SEC24B: variants seen among roughly 807,000 people sequenced by gnomAD.
SEC24B encodes the protein SEC24 homolog B, COPII component.
A neutral mutation model predicts 142.8 loss-of-function variants in SEC24B; 45 were observed. The observed-to-expected ratio is 0.32, with a 90% confidence interval of 0.25 to 0.40. The LOEUF (loss-of-function observed/expected upper bound fraction) is 0.40, where lower values mean the gene tolerates loss of function less well. Among genes scored for constraint, SEC24B ranks in the 10% least tolerant of loss-of-function variants. The pLI, the probability that SEC24B is intolerant of heterozygous loss-of-function variation, is 1.00. For missense variants in SEC24B, 1,409 were observed against 1,526.8 expected, an observed-to-expected ratio of 0.92 and a Z score of 1.29; for synonymous variants, 574 against 568.2, an observed-to-expected ratio of 1.01 and a Z score of -0.15.
rs1447246116 is a variant in SEC24B at position 109,526,538 on chromosome 4, G to A, written c.2965+139G>A. On this transcript the variant is annotated intron_variant, in intron 17 of 23. Coordinates refer to ENST00000265175, the MANE Select transcript of SEC24B (RefSeq NM_006323.5). ...TGTATTAGTTAATCAAACATATGTT[G>A]TTATTTTCTTTCTTTTTTTAACTCT... 5.4e-6 allele frequency: 3 copies of A among 554,058 alleles called. No individual in the cohort carries two copies. The East Asian group carries it at 1.0e-4, about 18-fold the overall frequency. 34.3% of individuals were successfully genotyped at this position (554,058 alleles called of 1,614,324 possible).
intron 1 of SEC24B, among the ~76,000 whole-genome samples, chr4:109,450,346 A>G (rs139089400): frequency 1.3e-5 from 2 of 152,030 alleles, no homozygotes; most frequent in African/African-American, 2.4e-5. Flanking sequence ...AAGTTATTCT[A>G]CCATTCTCTT....
At chr4:109,500,906 G>A (rs1177879462) in intron 6 of SEC24B, among the ~76,000 whole-genome samples, 16 of 152,188 alleles carry the variant, frequency 1.1e-4, no homozygotes, top group South Asian at 2.1e-4. Flanking sequence ...TGATCCACCC[G>A]CCTAGGTCTC....
Position 109,532,678 on chromosome 4 carries a change from C to A in SEC24B, c.3430C>A (p.Pro1144Thr). 6.2e-7 allele frequency: 1 copy of A among 1,613,778 alleles called. No individual in the cohort carries two copies. Among genetic ancestry groups the A allele is most frequent in the Non-Finnish European group, 8.5e-7 (1 of 1,179,718 alleles). Residue 1144 changes from proline (P) to threonine (T), a missense_variant, in exon 21 of 24, where the codon CCT becomes ACT. Pro to Thr is a conservative substitution (Grantham distance 38, BLOSUM62 -1). Transcript: ENST00000265175. The stretch of plus-strand genomic sequence containing the variant: ...TAATGACAGGATTGTACCACAGCCA[C>A]CTCTTCAAAAATTGTCTGCAGAGAA... The part of the protein sequence containing the change: ...HVNDRIVPQP[P>T]LQKLSAEKLT...
Position 109,531,772 on chromosome 4 carries a change from C to T in SEC24B, c.3390+250C>T, listed in dbSNP as rs79804656. Among the ~76,000 whole-genome samples, 368 of 152,196 alleles carry T rather than the reference C, an allele frequency of 2.4e-3. 8 individuals are homozygous for T. In the East Asian group the frequency reaches 0.065, roughly 27 times the overall value. ...AGAAGTAATTTGTCTTGTAGGTTTGCTTATAATATGTATTACAAAGCTAAG... is the reference window on the plus strand; with the variant it reads ...AGAAGTAATTTGTCTTGTAGGTTTGTTTATAATATGTATTACAAAGCTAAG... On this transcript the variant is annotated intron_variant, in intron 20 of 23. Coordinates refer to ENST00000265175, the MANE Select transcript of SEC24B (RefSeq NM_006323.5).
At chr4:109,504,435 G>T (rs1736484507) in intron 6 of SEC24B, among the ~76,000 whole-genome samples, 1 of 151,400 alleles carries the variant, frequency 6.6e-6, no homozygotes, top group Non-Finnish European at 1.5e-5. Context: ...CTTTGATTTT[G>T]GTAAAATAAC....
Position 109,463,609 on chromosome 4 carries a change from C to G in SEC24B, c.842C>G (p.Ser281Cys), listed in dbSNP as rs1731547216. The G allele has an allele frequency of 6.2e-7, 1 of 1,613,840 alleles. No homozygotes were observed. The highest frequency in any genetic ancestry group is 1.7e-5 in the Admixed American group (1 of 60,000). ...AATCTCATCCGAAACCACACAGGAT[C>G]CCTGGCTGTAGCGAACAACAACCCA... is the stretch of plus-strand genomic sequence containing the variant. ...QDNLIRNHTGSLAVANNNPTI... is the reference protein window; with the variant it reads ...QDNLIRNHTGCLAVANNNPTI... Residue 281 changes from serine (S) to cysteine (C), a missense_variant, in exon 2 of 24, where the codon TCC becomes TGC. Ser to Cys is a moderately radical substitution (Grantham distance 112). Transcript: ENST00000265175.
chr4:109,493,448 G>T (rs953081979), intron 5 of SEC24B, among the ~76,000 whole-genome samples: 4 of 152,178 alleles, frequency 2.6e-5, no homozygotes, highest in African/African-American at 9.6e-5. Flanking sequence ...TAATGGTTAT[G>T]TGTAGAGTTT....
intron 3 of SEC24B, among the ~76,000 whole-genome samples, chr4:109,476,560 G>GA (rs35678300): frequency 0.084 from 12,732 of 151,156 alleles, 632 homozygotes; most frequent in Middle Eastern, 0.18. Flanking sequence ...AGAATTACTT[G>GA]TAAGAATTCT....
Position 109,531,524 on chromosome 4 carries a change from T to C in SEC24B, c.3390+2T>C, listed in dbSNP as rs1391492586. ...AGGATAGACAGATTGACAGATGAGG[T>C]ATGTATTTTAGTGCATTTGAAATGT... is the stretch of plus-strand genomic sequence containing the variant. On this transcript the variant is annotated splice_donor_variant, in intron 20 of 23. Coordinates refer to ENST00000265175, the MANE Select transcript of SEC24B (RefSeq NM_006323.5). LOFTEE classifies it high-confidence loss of function. The C allele has an allele frequency of 5.0e-6, 8 of 1,599,684 alleles. No individual in the cohort carries two copies. In the Admixed American group the frequency reaches 1.3e-4, roughly 27 times the overall value.
chr4:109,456,392 T>A (rs1730698664), intron 1 of SEC24B, among the ~76,000 whole-genome samples: 1 of 151,524 alleles, frequency 6.6e-6, no homozygotes, highest in Admixed American at 6.6e-5. Flanking sequence ...TTATTTTTCT[T>A]GCCTCACTGA....
intron 6 of SEC24B, among the ~76,000 whole-genome samples, chr4:109,502,168 A>G (rs1231982105): frequency 1.3e-5 from 2 of 152,206 alleles, no homozygotes; most frequent in East Asian, 1.9e-4. Context: ...TAAGGCAGGA[A>G]CAAGTTTGAC....
intron 12 of SEC24B, 82 bp from the exon 13 acceptor site, chr4:109,521,035 A>G (rs533685071): frequency 7.2e-6 from 6 of 838,266 alleles, no homozygotes; most frequent in South Asian, 4.4e-5. Flanking sequence ...TACACATTAC[A>G]TGTATGACCT....
At chr4:109,448,047 C>T (rs1026579087) in intron 1 of SEC24B, among the ~76,000 whole-genome samples, 1 of 152,198 alleles carries the variant, frequency 6.6e-6, no homozygotes, top group African/African-American at 2.4e-5. Context: ...TCTCTTCTAC[C>T]TCTGCTTTTC....
chr4:109,530,009 C>G (rs1049708877), intron 18 of SEC24B, among the ~76,000 whole-genome samples: 10 of 152,202 alleles, frequency 6.6e-5, no homozygotes, highest in Admixed American at 3.9e-4. Flanking sequence ...GCTGGGATTA[C>G]AGGCATGAGC....
chr4:109,509,720 T>C (rs544539204), intron 7 of SEC24B, among the ~76,000 whole-genome samples: 37 of 151,840 alleles, frequency 2.4e-4, no homozygotes, highest in Admixed American at 8.5e-4. Context: ...TTTTCACTTA[T>C]GTTTTCTGTG....
intron 1 of SEC24B, among the ~76,000 whole-genome samples, chr4:109,454,476 T>G (rs1025787986): frequency 6.6e-6 from 1 of 150,728 alleles, no homozygotes; most frequent in African/African-American, 2.4e-5. Context: ...AGGTGGAGAT[T>G]GGGGTGAGCT....
At position 109,490,516 on chromosome 4, in the gene SEC24B, G is replaced by T. The variant is rs563745944; in HGVS notation, c.1166-811G>T. On this transcript the variant is annotated intron_variant, in intron 4 of 23. Transcript: ENST00000265175. ...ATCTCTAACATAATAGAAGGATCAT[G>T]CAGATTTTTTATTTTATTCATCATA... 1.1e-4 allele frequency among the ~76,000 whole-genome samples: 16 copies of T among 152,130 alleles called. No individual in the cohort carries two copies. In the South Asian group the frequency reaches 1.2e-3, roughly 12 times the overall value.
At chr4:109,483,003 C>CACACACACACACACACACACACAT (rs1408633373) in intron 4 of SEC24B, among the ~76,000 whole-genome samples, 46 of 84,062 alleles carry the variant, frequency 5.5e-4, no homozygotes, top group African/African-American at 2.6e-3. Context: ...CACACACACA[C>CACACACACACACACACACACACAT]ATATTATACA....
intron 13 of SEC24B, 69 bp downstream of exon 13, chr4:109,521,241 AT>A: frequency 9.1e-7 from 1 of 1,093,822 alleles, no homozygotes; most frequent in Non-Finnish European, 1.3e-6. Context: ...AATATTTAAC[AT>A]TTGTTTACTT....
Sources: allele counts gnomAD v4.1 joint callset (sites outside exome capture counted in the v4.1 genomes callset), GRCh38; gene constraint gnomAD v4.1.1; transcripts MANE v1.5; gene names NCBI Gene and HGNC (gene_info 2026-07-23, HGNC 2026-07-21).